ZNF469: variants seen among roughly 807,000 people sequenced by gnomAD.
ZNF469 encodes the protein zinc finger protein 469.
ZNF469 carries 1 observed loss-of-function variant against 1.0 expected under a neutral mutation model. The observed-to-expected ratio is 1.00, with a 90% CI of 0.35 to 4.73. The LOEUF (loss-of-function observed/expected upper bound fraction) is 4.73, where lower values mean the gene tolerates loss of function less well. Among genes scored for constraint, ZNF469 ranks in the 30% most tolerant of loss-of-function variants. ZNF469 has a pLI of 0.16. For missense variants in ZNF469, 6,100 were observed against 5,356.3 expected, an observed-to-expected ratio of 1.14 and a Z score of -4.33; for synonymous variants, 2,703 against 2,363.4, an observed-to-expected ratio of 1.14 and a Z score of -4.17.
At chr16:88,136,523 G>T in the ZNF469 span, among the ~76,000 whole-genome samples, 45 of 152,246 alleles carry the variant, frequency 3.0e-4, no homozygotes, top group Non-Finnish European at 4.8e-4. Flanking sequence ...TGCATGAGTT[G>T]TGTGCTCCTG....
intron 1 of ZNF469, among the ~76,000 whole-genome samples, chr16:88,405,690 T>A (rs1300982594): frequency 6.6e-6 from 1 of 152,026 alleles, no homozygotes; most frequent in Non-Finnish European, 1.5e-5. Flanking sequence ...GTGCTCAGAG[T>A]ACCCCCAGGA....
rs560718586 is a variant in ZNF469, at chr16:88,439,031, C to T, written c.11561C>T (p.Pro3854Leu). ...CGGACCCCTCGGAAGCAGGCAACTC[C>T]CAGCCGCGTGCTCCCGACCAAGCCC... is the stretch of plus-strand genomic sequence containing the variant. ...PPRTPRKQATPSRVLPTKPKP... is the reference protein window; with the variant it reads ...PPRTPRKQATLSRVLPTKPKP... The change falls in exon 3 of 3, where the codon CCC becomes CTC. Residue 3854 changes from proline (P) to leucine (L), a missense_variant. Coordinates refer to ENST00000565624, the MANE Select transcript of ZNF469 (RefSeq NM_001367624.2). 1.5e-5 allele frequency: 23 copies of T among 1,550,488 alleles called. No homozygotes were observed. Among genetic ancestry groups the T allele is most frequent in the Middle Eastern group, 1.7e-4 (1 of 5,992 alleles).
the ZNF469 span, among the ~76,000 whole-genome samples, chr16:88,167,069 TTTTTTTTTC>T: frequency 3.1e-4 from 43 of 140,962 alleles, no homozygotes; most frequent in African/African-American, 9.4e-4. Context: ...TTTTTTTTTT[TTTTTTTTTC>T]TAAGAGGGAA....
Position 88,439,368 on chromosome 16 carries a change from G to A in ZNF469, c.*36G>A, listed in dbSNP as rs556180135. ...CAAGAGCCTGGGACCGGAGCTGGGC[G>A]TTCCTGTCTCGGCCTGCCTCCTTGG... On this transcript the variant is annotated 3_prime_UTR_variant, in exon 3 of 3. Coordinates refer to ENST00000565624, the MANE Select transcript of ZNF469 (RefSeq NM_001367624.2). The A allele has an allele frequency of 1.4e-4, 220 of 1,549,004 alleles. 3 individuals are homozygous for A. The South Asian group carries it at 1.5e-3, about 10-fold the overall frequency.
At chr16:88,206,592 A>C in the ZNF469 span, among the ~76,000 whole-genome samples, 2 of 151,318 alleles carry the variant, frequency 1.3e-5, no homozygotes, top group Non-Finnish European at 3.0e-5. Flanking sequence ...AAAACCCTAC[A>C]CTTGTCTCTG....
chr16:88,249,010 T>A, the ZNF469 span, among the ~76,000 whole-genome samples: 2 of 152,140 alleles, frequency 1.3e-5, no homozygotes, highest in African/African-American at 4.8e-5. Flanking sequence ...CCGTGTGTCT[T>A]GCAAGGCCCC....
At chr16:88,256,195 T>C in the ZNF469 span, among the ~76,000 whole-genome samples, 3 of 152,348 alleles carry the variant, frequency 2.0e-5, no homozygotes, top group African/African-American at 4.8e-5. Flanking sequence ...AAATCCTCTC[T>C]GTCCTGCCTG....
the ZNF469 span, among the ~76,000 whole-genome samples, chr16:88,203,392 A>T: frequency 1.3e-5 from 2 of 152,038 alleles, no homozygotes; most frequent in South Asian, 4.1e-4. Context: ...TTGTCACCTG[A>T]GGGCGGCGCC....
At chr16:88,247,054 AGT>A in the ZNF469 span, among the ~76,000 whole-genome samples, 3 of 88,460 alleles carry the variant, frequency 3.4e-5, no homozygotes, top group Non-Finnish European at 4.0e-5. Context: ...TGAATGAGTG[AGT>A]GATTGAGTGA....
At chr16:88,120,118 G>A in the ZNF469 span, among the ~76,000 whole-genome samples, 4 of 152,316 alleles carry the variant, frequency 2.6e-5, no homozygotes, top group East Asian at 5.8e-4. Flanking sequence ...GACGTGTCCC[G>A]TGGAGGGGGA....
chr16:88,430,844 A>C lies in ZNF469; in HGVS notation c.3374A>C (p.Glu1125Ala). ...RGRGEKRKEV[E>A]LTQGPREDEP... ...CGAGGCGAGAAGAGGAAGGAAGTGG[A>C]GCTGACCCAGGGTCCCAGAGAGGAT... The change falls in exon 3 of 3, where the codon GAG (glutamate) becomes GCG (alanine). Residue 1125 changes from glutamate (E) to alanine (A), a missense_variant. Transcript: ENST00000565624. 1 of 1,535,878 alleles carries C rather than the reference A, an allele frequency of 6.5e-7. No homozygotes were observed. The highest frequency in any genetic ancestry group is 8.7e-7 in the Non-Finnish European group (1 of 1,146,074).
At chr16:88,341,445 C>G in the ZNF469 span, among the ~76,000 whole-genome samples, 5 of 152,188 alleles carry the variant, frequency 3.3e-5, no homozygotes, top group African/African-American at 1.2e-4. Context: ...GATCTCTCAC[C>G]TGGGGGACTC....
intron 1 of ZNF469, among the ~76,000 whole-genome samples, chr16:88,415,715 T>A (rs958811501): frequency 2.0e-5 from 3 of 152,096 alleles, no homozygotes; most frequent in African/African-American, 7.2e-5. Context: ...GCCCCACATC[T>A]CAGCCATGTG....
At chr16:88,265,776 C>T in the ZNF469 span, among the ~76,000 whole-genome samples, 5 of 152,230 alleles carry the variant, frequency 3.3e-5, no homozygotes, top group Non-Finnish European at 5.9e-5. Flanking sequence ...GCGTCTCTCT[C>T]GCAGCCTCAC....
the ZNF469 span, among the ~76,000 whole-genome samples, chr16:88,130,144 C>G: frequency 2.0e-5 from 3 of 152,168 alleles, no homozygotes; most frequent in Non-Finnish European, 2.9e-5. Context: ...TGTGTCTAAC[C>G]CGAATGCCAA....
chr16:88,180,437 G>A, the ZNF469 span, among the ~76,000 whole-genome samples: 1 of 152,172 alleles, frequency 6.6e-6, no homozygotes, highest in Non-Finnish European at 1.5e-5. Context: ...TCCGAACAAG[G>A]AATATTACCA....
At chr16:88,347,509 G>T in the ZNF469 span, among the ~76,000 whole-genome samples, 96 of 152,194 alleles carry the variant, frequency 6.3e-4, no homozygotes, top group Middle Eastern at 3.4e-3. Context: ...CCTGACATCC[G>T]CAGGAACCAG....
the ZNF469 span, among the ~76,000 whole-genome samples, chr16:88,113,072 C>G: frequency 6.6e-6 from 1 of 152,148 alleles, no homozygotes; most frequent in African/African-American, 2.4e-5. Flanking sequence ...GCCACCGCGC[C>G]TGGCCTGCTG....
chr16:88,214,534 C>A, the ZNF469 span, among the ~76,000 whole-genome samples: 2 of 151,500 alleles, frequency 1.3e-5, no homozygotes, highest in African/African-American at 4.9e-5. Context: ...ACTTTAAATT[C>A]TGGGGTACAG....
Sources: gnomAD v4.1 joint callset for allele counts (sites outside exome capture counted in the v4.1 genomes callset) on GRCh38, gnomAD v4.1.1 for gene constraint, MANE v1.5 for transcripts, NCBI Gene and HGNC (gene_info 2026-07-23, HGNC 2026-07-21) for gene names.